Variants in DENND3 observed in about 807,000 individuals in gnomAD.
DENND3 encodes the protein DENN domain-containing protein 3.
DENND3 carries 88 observed loss-of-function variants against 135.1 expected under a neutral mutation model. The observed-to-expected ratio is 0.65, with a 90% CI of 0.55 to 0.78. DENND3 has a LOEUF of 0.78. Among genes scored for constraint, DENND3 ranks in the 30% least tolerant of loss-of-function variants. DENND3 has a pLI of 0.00. For missense variants in DENND3, 1,392 were observed against 1,688.4 expected (o/e 0.82, Z 3.08); for synonymous variants, 693 against 712.3 (o/e 0.97, Z 0.43).
intron 22 of DENND3, chr8:141,193,003 C>A: frequency 1.1e-6 from 1 of 869,688 alleles, no homozygotes; most frequent in Non-Finnish European, 1.6e-6. Context: ...GGAGCGTGCA[C>A]TCCAGGCCCT....
chr8:141,149,983 G>C (rs1220417601), intron 5 of DENND3, among the ~76,000 whole-genome samples: 1 of 152,154 alleles, frequency 6.6e-6, no homozygotes. Flanking sequence ...TTCTCCCCCC[G>C]GCTCCCTGCT....
intron 7 of DENND3, 44 bp downstream of exon 7, chr8:141,151,881 G>T: frequency 6.2e-7 from 1 of 1,600,342 alleles, no homozygotes. Flanking sequence ...ATTCCTGTGA[G>T]TCCATCACGG....
intron 19 of DENND3, 88 bp from the exon 20 acceptor site, chr8:141,190,196 G>A: frequency 7.0e-7 from 1 of 1,429,400 alleles, no homozygotes; most frequent in East Asian, 2.6e-5. Flanking sequence ...TTTCTCTCAT[G>A]GCGACTTGGT....
chr8:141,171,093 C>T (rs1821495680), intron 13 of DENND3, among the ~76,000 whole-genome samples: 1 of 152,152 alleles, frequency 6.6e-6, no homozygotes, highest in Non-Finnish European at 1.5e-5. Context: ...TTTGGCCTTG[C>T]TTACGTTGCC....
Position 141,144,280 on chromosome 8 carries a change from T to C in DENND3, c.735+21T>C. ...ATTTGGTAAAGTATATCTGAAATTA[T>C]ATTGTTTTTTCTTTGCAAATAGTAA... On this transcript the variant is annotated intron_variant, in intron 5 of 22. Transcript: ENST00000519811. The surrounding 1 kb of genome is among the most constrained non-coding windows in gnomAD (Gnocchi z 4.4). 2 of 1,582,264 alleles carry C rather than the reference T, an allele frequency of 1.3e-6. No homozygotes were observed. The highest frequency in any genetic ancestry group is 8.6e-7 in the Non-Finnish European group (1 of 1,163,402).
At chr8:141,169,571 G>A (rs1328163078) in intron 13 of DENND3, among the ~76,000 whole-genome samples, 1 of 152,240 alleles carries the variant, frequency 6.6e-6, no homozygotes, top group African/African-American at 2.4e-5. Context: ...AGTGCAGTGG[G>A]CTTGTGCTTA....
intron 8 of DENND3, chr8:141,157,797 T>A (rs1016416004): frequency 1.0e-6 from 1 of 981,696 alleles, no homozygotes; most frequent in Non-Finnish European, 1.2e-6. Flanking sequence ...TCTTGCTCTG[T>A]CACCCAGGCT....
rs1222115415 is a variant in DENND3, at chr8:141,194,254, T to TGGAACTGTGCCCTATGTGTG, written c.*24_*43dup. 6 of 1,606,840 alleles carry TGGAACTGTGCCCTATGTGTG rather than the reference T, an allele frequency of 3.7e-6. 1 individual carries two copies. The South Asian group carries it at 5.6e-5, about 15-fold the overall frequency. ...AATAAACGTGGCTGAGTCTGCCAAG[T>TGGAACTGTGCCCTATGTGTG]GGAACTGTGCCCTATGTGTGGGGAC... On this transcript the variant is annotated 3_prime_UTR_variant, in exon 23 of 23. Transcript: ENST00000519811.
chr8:141,190,145 A>ATGT lies in DENND3; in HGVS notation c.3246-137_3246-135dup, dbSNP rs1243351480. 4 of 1,155,736 alleles carry ATGT rather than the reference A, an allele frequency of 3.5e-6. No homozygotes were observed. The African/African-American group carries it at 6.4e-5, about 18-fold the overall frequency. The allele number at this position is 1,155,736 out of a possible 1,614,324, so 71.6% of individuals were successfully genotyped here. ...TACGTTTGCAGGTTATTATGTTTGCATGTTATTATCATGTTTGCAGGTTAT... is the reference window on the plus strand; with the variant it reads ...TACGTTTGCAGGTTATTATGTTTGCATGTTGTTATTATCATGTTTGCAGGTTAT... On this transcript the variant is annotated intron_variant, in intron 19 of 22. Transcript: ENST00000519811.
In DENND3 at chr8:141,168,270, G is replaced by A; in HGVS notation, c.2020G>A (p.Asp674Asn). Residue 674 changes from aspartate to asparagine, a missense_variant, in exon 13 of 23, where the codon GAT becomes AAT. Asp to Asn is a conservative substitution (Grantham distance 23). Transcript: ENST00000519811. The surrounding 1 kb of genome is among the most constrained non-coding windows in gnomAD (Gnocchi z 6.2). ...AACAGACATACGGATCTTTCCCACT[G>A]ATTTGGTGAAGAGGACGGTGGAATC... The part of the protein sequence containing the change: ...YKTDIRIFPT[D>N]LVKRTVESMS... The A allele has an allele frequency of 6.2e-7, 1 of 1,614,142 alleles. No homozygotes were observed. The highest frequency in any genetic ancestry group is 2.2e-5 in the East Asian group (1 of 44,878).
chr8:141,171,602 C>T (rs1006421864), intron 13 of DENND3, among the ~76,000 whole-genome samples: 3 of 152,222 alleles, frequency 2.0e-5, no homozygotes, highest in Non-Finnish European at 2.9e-5. Context: ...ATTGTGTCTA[C>T]GTGGGCGTGT....
At chr8:141,160,210 C>T (rs1819966099) in intron 8 of DENND3, among the ~76,000 whole-genome samples, 2 of 148,034 alleles carry the variant, frequency 1.4e-5, no homozygotes, top group South Asian at 4.2e-4. Context: ...CAGAGTTTCG[C>T]TCCTGTTGCC....
At position 141,139,653 on chromosome 8, in the gene DENND3, A is replaced by G. The variant is rs1817211891; in HGVS notation, c.501+1516A>G. ...CACCTTGGGAGTTTGCTTGTGAAAT[A>G]ACACTTACCAGGAGCAATGCGCATG... On this transcript the variant is annotated intron_variant, in intron 3 of 22. Coordinates refer to ENST00000519811, the MANE Select transcript of DENND3 (RefSeq NM_001352890.3). This position sits in a 1 kb window ranked among gnomAD's most constrained non-coding sequence, Gnocchi z 4.2. Among the ~76,000 whole-genome samples the G allele has an allele frequency of 6.6e-6, 1 of 152,206 alleles. No homozygotes were observed. Among genetic ancestry groups the G allele is most frequent in the Non-Finnish European group, 1.5e-5 (1 of 68,036 alleles).
rs1270950674 is a variant in DENND3 at position 141,137,262 on chromosome 8, G to A, written c.385+471G>A. ...CCCAAAGTGCTGGGATTACAGGCGT[G>A]AGCCACCGTGCTCGACCTACCTTGG... On this transcript the variant is annotated intron_variant, in intron 2 of 22. Transcript: ENST00000519811. The surrounding 1 kb of genome is among the most constrained non-coding windows in gnomAD (Gnocchi z 4.1). Among the ~76,000 whole-genome samples, 1 of 152,190 alleles carries A rather than the reference G, an allele frequency of 6.6e-6. No individual in the cohort carries two copies. The highest frequency in any genetic ancestry group is 1.5e-5 in the Non-Finnish European group (1 of 68,044).
In DENND3 at chr8:141,146,688, A is replaced by G. The variant is rs307760; in HGVS notation, c.735+2429A>G. On this transcript the variant is annotated intron_variant, in intron 5 of 22. Transcript: ENST00000519811. This position sits in a 1 kb window ranked among gnomAD's most constrained non-coding sequence, Gnocchi z 4.3. ...TTTTTAACATTACCCCAACCCCAGC[A>G]GTCTGCTGGGTGGAAAATCCTGCCG... is the stretch of plus-strand genomic sequence containing the variant. Among the ~76,000 whole-genome samples the G allele has an allele frequency of 0.075, 11,463 of 152,170 alleles. 1,445 individuals are homozygous for G. Among genetic ancestry groups the G allele is most frequent in the African/African-American group, 0.26 (10,772 of 41,466 alleles).
In DENND3 at chr8:141,148,215, G is replaced by A. The variant is rs534544357; in HGVS notation, c.736-2619G>A. On this transcript the variant is annotated intron_variant, in intron 5 of 22. Transcript: ENST00000519811. ...GTGCGTTCCTCATTACTTCTGGTCC[G>A]GGTTATCTCTGATCTATGCTGGTGG... is the stretch of plus-strand genomic sequence containing the variant. 4.6e-5 allele frequency among the ~76,000 whole-genome samples: 7 copies of A among 152,208 alleles called. No individual in the cohort carries two copies. The East Asian group carries it at 5.8e-4, about 13-fold the overall frequency.
chr8:141,186,163 C>A (rs1823865932), intron 18 of DENND3, among the ~76,000 whole-genome samples: 1 of 152,126 alleles, frequency 6.6e-6, no homozygotes, highest in Admixed American at 6.5e-5. Flanking sequence ...GGAACGATGT[C>A]TTCCATCCTG....
chr8:141,192,928 A>G, intron 22 of DENND3: 2 of 1,405,522 alleles, frequency 1.4e-6, no homozygotes, highest in South Asian at 2.7e-5. Context: ...ATTTTCTCAC[A>G]GTTCTCGACG....
chr8:141,145,822 TATATATATATA>T (rs1817976915), intron 5 of DENND3, among the ~76,000 whole-genome samples: 5 of 33,534 alleles, frequency 1.5e-4, no homozygotes, highest in African/African-American at 7.6e-4. Context: ...TATATATATA[TATATATATATA>T]TATATATATA....
Sources: gnomAD v4.1 joint callset for allele counts (sites outside exome capture counted in the v4.1 genomes callset) on GRCh38, gnomAD v4.1.1 for gene constraint, Gnocchi (gnomAD v3.1) non-coding constraint, MANE v1.5 for transcripts, NCBI Gene and HGNC (gene_info 2026-07-23, HGNC 2026-07-21) for gene names.